Variants in CNTNAP2 observed in about 807,000 individuals in gnomAD.
CNTNAP2 encodes contactin associated protein 2, also known as contactin-associated protein-like 2.
Under a neutral mutation model 155.2 loss-of-function variants are expected in CNTNAP2, and 98 were observed. The observed-to-expected ratio is 0.63, with a 90% CI of 0.54 to 0.75. The LOEUF is 0.75. Among genes scored for constraint, CNTNAP2 ranks in the 30% least tolerant of loss-of-function variants. The pLI is 0.00. For missense variants in CNTNAP2, 1,727 were observed against 1,688.1 expected, an observed-to-expected ratio of 1.02 and a Z score of -0.40; for synonymous variants, 651 against 631.2, an observed-to-expected ratio of 1.03 and a Z score of -0.47.
chr7:148,132,654 G>T (rs1804857311), intron 16 of CNTNAP2, among the ~76,000 whole-genome samples: 1 of 152,148 alleles, frequency 6.6e-6, no homozygotes, highest in African/African-American at 2.4e-5. Flanking sequence ...AAAAAGAATT[G>T]TTTCTTGTAT....
intron 13 of CNTNAP2, among the ~76,000 whole-genome samples, chr7:147,705,601 T>G (rs1796298192): frequency 1.3e-5 from 2 of 152,150 alleles, no homozygotes; most frequent in Admixed American, 6.6e-5. Flanking sequence ...CTTTTAATTT[T>G]TTTGATAATT....
chr7:146,859,181 C>A (rs571445648), intron 3 of CNTNAP2, among the ~76,000 whole-genome samples: 1 of 152,264 alleles, frequency 6.6e-6, no homozygotes, highest in Non-Finnish European at 1.5e-5. Context: ...ATTTCCTCAA[C>A]AGAGAACAAG....
At chr7:148,318,273 C>G (rs983601891) in intron 21 of CNTNAP2, among the ~76,000 whole-genome samples, 16 of 152,188 alleles carry the variant, frequency 1.1e-4, no homozygotes, top group Non-Finnish European at 2.1e-4. Flanking sequence ...AGAGAAGTCA[C>G]CCGGCTGTCG....
chr7:147,929,697 A>G (rs534772004), intron 14 of CNTNAP2, among the ~76,000 whole-genome samples: 1 of 152,290 alleles, frequency 6.6e-6, no homozygotes, highest in Admixed American at 6.5e-5. Context: ...CCTATTTCAA[A>G]TTTTTTAATC....
At chr7:148,303,422 AG>A (rs1797430603) in intron 21 of CNTNAP2, among the ~76,000 whole-genome samples, 1 of 152,190 alleles carries the variant, frequency 6.6e-6, no homozygotes, top group Non-Finnish European at 1.5e-5. Flanking sequence ...GAGAGCTGGA[AG>A]GGCGCATCCT....
At chr7:146,825,241 CTT>C (rs1285987895) in intron 2 of CNTNAP2, among the ~76,000 whole-genome samples, 1 of 152,112 alleles carries the variant, frequency 6.6e-6, no homozygotes, top group East Asian at 1.9e-4. Context: ...AATCTCCCCT[CTT>C]TATCAAAACA....
At chr7:146,525,514 A>C (rs1004366414) in intron 1 of CNTNAP2, among the ~76,000 whole-genome samples, 2 of 150,958 alleles carry the variant, frequency 1.3e-5, no homozygotes, top group South Asian at 4.2e-4. Context: ...TATTCTTTGC[A>C]TTTTCTGTCT....
At chr7:148,346,784 A>T (rs1468973733) in intron 21 of CNTNAP2, among the ~76,000 whole-genome samples, 3 of 876 alleles carry the variant, frequency 3.4e-3, no homozygotes, top group East Asian at 0.25. Flanking sequence ...AAAAAAAAAA[A>T]AAAAAAAAAA....
intron 13 of CNTNAP2, among the ~76,000 whole-genome samples, chr7:147,873,867 A>G (rs1799377127): frequency 6.6e-6 from 1 of 152,224 alleles, no homozygotes; most frequent in Non-Finnish European, 1.5e-5. Context: ...TTGGGTAAAT[A>G]CACCCATTCC....
At chr7:146,290,907 A>G (rs1196532092) in intron 1 of CNTNAP2, among the ~76,000 whole-genome samples, 1 of 152,220 alleles carries the variant, frequency 6.6e-6, no homozygotes, top group Non-Finnish European at 1.5e-5. Context: ...ATTGGAGTGA[A>G]GTAGCTGATA....
At chr7:146,768,249 A>G (rs1170308296) in intron 1 of CNTNAP2, among the ~76,000 whole-genome samples, 1 of 151,616 alleles carries the variant, frequency 6.6e-6, no homozygotes, top group Non-Finnish European at 1.5e-5. Context: ...ACTATCTTGA[A>G]TTACAAGCTG....
chr7:147,930,741 C>A (rs894670182), intron 14 of CNTNAP2, among the ~76,000 whole-genome samples: 1 of 152,212 alleles, frequency 6.6e-6, no homozygotes, highest in Non-Finnish European at 1.5e-5. Context: ...TGACAGAATT[C>A]ACATCCTTCT....
chr7:146,513,109 C>A (rs921107944), intron 1 of CNTNAP2, among the ~76,000 whole-genome samples: 3 of 151,674 alleles, frequency 2.0e-5, no homozygotes, highest in African/African-American at 7.3e-5. Context: ...TATAGCTATT[C>A]CTGCTTTTTG....
chr7:146,875,674 C>CGGG (rs113206384), intron 3 of CNTNAP2, among the ~76,000 whole-genome samples: 1 of 151,056 alleles, frequency 6.6e-6, no homozygotes, highest in African/African-American at 2.4e-5. Flanking sequence ...TTGCTTTTGG[C>CGGG]GGGGGGGCAA....
At chr7:148,212,393 A>T (rs1173245395) in intron 18 of CNTNAP2, among the ~76,000 whole-genome samples, 1 of 152,174 alleles carries the variant, frequency 6.6e-6, no homozygotes, top group Non-Finnish European at 1.5e-5. Flanking sequence ...GGCATAATGT[A>T]TTTCAAAACT....
At chr7:147,608,090 C>T (rs1801106797) in intron 12 of CNTNAP2, among the ~76,000 whole-genome samples, 2 of 151,756 alleles carry the variant, frequency 1.3e-5, no homozygotes, top group Non-Finnish European at 1.5e-5. Context: ...TAGAACAGTG[C>T]TTGGAATAAA....
At chr7:147,457,602 T>C (rs1303284382) in intron 10 of CNTNAP2, among the ~76,000 whole-genome samples, 1 of 152,034 alleles carries the variant, frequency 6.6e-6, no homozygotes, top group Non-Finnish European at 1.5e-5. Flanking sequence ...GCTGTTGCAT[T>C]CTGAGAGCCT....
chr7:148,305,884 A>G (rs1305308219), intron 21 of CNTNAP2, among the ~76,000 whole-genome samples: 3 of 152,108 alleles, frequency 2.0e-5, no homozygotes, highest in Non-Finnish European at 4.4e-5. Flanking sequence ...CTTCTCCATC[A>G]TCATAGATAA....
intron 15 of CNTNAP2, among the ~76,000 whole-genome samples, chr7:148,097,667 C>T (rs1563198416): frequency 6.6e-6 from 1 of 152,112 alleles, no homozygotes; most frequent in African/African-American, 2.4e-5. Flanking sequence ...GATGTGATAA[C>T]AAGGCTTGAT....
Sources: gnomAD v4.1 joint callset for allele counts (sites outside exome capture counted in the v4.1 genomes callset) on GRCh38, gnomAD v4.1.1 for gene constraint, MANE v1.5 for transcripts, NCBI Gene and HGNC (gene_info 2026-07-23, HGNC 2026-07-21) for gene names.